The following FSHR variants were observed in gnomAD, a reference collection of about 807,000 sequenced individuals.
FSHR encodes the protein follicle-stimulating hormone receptor.
A neutral mutation model predicts 52.1 loss-of-function variants in FSHR; 46 were observed. The ratio of observed to expected loss-of-function variants is 0.88; its 90% confidence interval spans 0.70 to 1.13. The LOEUF is 1.13. Ranked by LOEUF, FSHR falls within the 50% of genes most tolerant of loss-of-function variation. FSHR has a pLI of 0.00. For synonymous variants in FSHR, 399 were observed against 309.6 expected (o/e 1.29, Z -3.03); for missense variants, 964 against 834.6 (o/e 1.16, Z -1.91).
chr2:49,043,597 T>C (rs1437954864), intron 2 of FSHR, among the ~76,000 whole-genome samples: 4 of 152,210 alleles, frequency 2.6e-5, no homozygotes, highest in African/African-American at 9.6e-5. Context: ...ACTACTGCAC[T>C]ATCAGGACAT....
intron 8 of FSHR, among the ~76,000 whole-genome samples, chr2:48,973,040 G>A (rs1246878722): frequency 6.6e-6 from 1 of 152,170 alleles, no homozygotes; most frequent in East Asian, 1.9e-4. Flanking sequence ...GAACTGTGAT[G>A]TCTTCGGATA....
intron 1 of FSHR, among the ~76,000 whole-genome samples, chr2:49,129,188 C>G (rs942378027): frequency 6.6e-6 from 1 of 152,146 alleles, no homozygotes; most frequent in African/African-American, 2.4e-5. Flanking sequence ...CACTGAATTG[C>G]TCATGTCACA....
At chr2:49,063,993 C>T (rs1231892989) in intron 2 of FSHR, among the ~76,000 whole-genome samples, 1 of 150,312 alleles carries the variant, frequency 6.7e-6, no homozygotes, top group Non-Finnish European at 1.5e-5. Context: ...AATTATGTGT[C>T]AATTAAAAAA....
chr2:49,097,666 G>A (rs2103712260), intron 1 of FSHR, among the ~76,000 whole-genome samples: 1 of 152,266 alleles, frequency 6.6e-6, no homozygotes, highest in Middle Eastern at 3.4e-3. Flanking sequence ...TTAGGACAGA[G>A]AAAAAAGTTC....
intron 1 of FSHR, among the ~76,000 whole-genome samples, chr2:49,145,839 G>T (rs1014553262): frequency 6.6e-5 from 10 of 152,026 alleles, no homozygotes; most frequent in African/African-American, 2.4e-4. Context: ...CATGAAAAAT[G>T]AGCATCTTTT....
chr2:49,099,981 A>G (rs562433028), intron 1 of FSHR, among the ~76,000 whole-genome samples: 1 of 152,282 alleles, frequency 6.6e-6, no homozygotes, highest in African/African-American at 2.4e-5. Flanking sequence ...AAGCTAAGGA[A>G]GGGAAATGAG....
At chr2:49,075,867 T>G (rs1182509217) in intron 1 of FSHR, among the ~76,000 whole-genome samples, 2 of 152,224 alleles carry the variant, frequency 1.3e-5, no homozygotes, top group East Asian at 1.9e-4. Context: ...CTTCAACTCC[T>G]TGGCTGGAGT....
At chr2:49,068,114 A>G (rs1242941619) in intron 2 of FSHR, 105 bp downstream of exon 2, 1 of 860,856 alleles carries the variant, frequency 1.2e-6, no homozygotes, top group African/African-American at 1.7e-5. Context: ...TTGGCTGACC[A>G]TGTCAGTTCG....
Position 49,020,138 on chromosome 2 carries a change from A to T in FSHR, c.247T>A (p.Leu83Met). The T allele has an allele frequency of 6.2e-7, 1 of 1,613,702 alleles. No homozygotes were observed. Among genetic ancestry groups the T allele is most frequent in the Non-Finnish European group, 8.5e-7 (1 of 1,179,626 alleles). Reference sequence around the variant, plus strand: ...AACACATCTGCCTCTATCACCTCCAAGACATCATTCTGAGAGATCTCTCTG... The same window carrying T: ...AACACATCTGCCTCTATCACCTCCATGACATCATTCTGAGAGATCTCTCTG... ...EKIEISQNDV[L>M]EVIEADVFSN... Residue 83 changes from leucine (L) to methionine (M), a missense_variant, in exon 3 of 10, where the codon TTG becomes ATG. Physicochemically the swap from Leu to Met is conservative, Grantham distance 15. Transcript: ENST00000406846.
chr2:49,097,462 A>G (rs1670869648), intron 1 of FSHR, among the ~76,000 whole-genome samples: 1 of 152,224 alleles, frequency 6.6e-6, no homozygotes, highest in Non-Finnish European at 1.5e-5. Context: ...TTTCCACAGC[A>G]GAGAACAAGA....
At chr2:49,022,749 AC>A (rs1436555434) in intron 2 of FSHR, among the ~76,000 whole-genome samples, 1 of 152,174 alleles carries the variant, frequency 6.6e-6, no homozygotes, top group Non-Finnish European at 1.5e-5. Context: ...ATAAGGGGAT[AC>A]GATGAGATCA....
chr2:49,131,488 A>T (rs928285815), intron 1 of FSHR, among the ~76,000 whole-genome samples: 1 of 152,174 alleles, frequency 6.6e-6, no homozygotes, highest in Non-Finnish European at 1.5e-5. Context: ...TCAATTGCAA[A>T]CTAAGGCAGA....
In FSHR at chr2:48,962,726, T is replaced by C. The variant is rs771101960; in HGVS notation, c.*7A>G. The C allele has an allele frequency of 8.1e-6, 13 of 1,611,776 alleles. No individual in the cohort carries two copies. The East Asian group carries it at 2.9e-4, about 36-fold the overall frequency. On this transcript the variant is annotated 3_prime_UTR_variant, in exon 10 of 10. Coordinates refer to ENST00000406846, the MANE Select transcript of FSHR (RefSeq NM_000145.4). Reference sequence around the variant, plus strand: ...TTCAATACTCAGATACATTTTCACATTGTGTTTTAGTTTTGGGCTAAATGA... The same window carrying C: ...TTCAATACTCAGATACATTTTCACACTGTGTTTTAGTTTTGGGCTAAATGA...
chr2:49,128,515 A>G (rs569804969), intron 1 of FSHR, among the ~76,000 whole-genome samples: 15 of 152,190 alleles, frequency 9.9e-5, no homozygotes, highest in Non-Finnish European at 2.1e-4. Flanking sequence ...GCTAACACCT[A>G]CAAAGCTGAC....
chr2:49,132,410 GA>G (rs1672312387), intron 1 of FSHR, among the ~76,000 whole-genome samples: 1 of 152,066 alleles, frequency 6.6e-6, no homozygotes, highest in Admixed American at 6.6e-5. Flanking sequence ...AGGAGCACTG[GA>G]AAGCATCTTT....
intron 1 of FSHR, among the ~76,000 whole-genome samples, chr2:49,138,345 C>G (rs1283164869): frequency 6.6e-6 from 1 of 152,168 alleles, no homozygotes; most frequent in Non-Finnish European, 1.5e-5. Flanking sequence ...AGCTATTGCA[C>G]TCCTAGGTAT....
chr2:49,073,967 G>A (rs1448933357), intron 1 of FSHR, among the ~76,000 whole-genome samples: 4 of 152,008 alleles, frequency 2.6e-5, no homozygotes, highest in Non-Finnish European at 5.9e-5. Context: ...AAATTCTGCT[G>A]GGAAAATTGT....
At chr2:48,985,709 T>TTG (rs1675473682) in intron 6 of FSHR, among the ~76,000 whole-genome samples, 1 of 137,052 alleles carries the variant, frequency 7.3e-6, no homozygotes, top group African/African-American at 2.8e-5. Context: ...TTTTTTTTTT[T>TTG]TTTTTTTTTT....
chr2:49,017,842 C>T (rs1667544532), intron 3 of FSHR, among the ~76,000 whole-genome samples: 2 of 152,236 alleles, frequency 1.3e-5, no homozygotes, highest in African/African-American at 4.8e-5. Context: ...AGAGCATTGG[C>T]TGGGTGGGTT....
Sources: gnomAD v4.1 joint callset for allele counts (sites outside exome capture counted in the v4.1 genomes callset) on GRCh38, gnomAD v4.1.1 for gene constraint, MANE v1.5 for transcripts, NCBI Gene and HGNC (gene_info 2026-07-23, HGNC 2026-07-21) for gene names.